Variants in CRYBB2 observed in about 807,000 individuals in gnomAD.
The protein encoded by CRYBB2 is beta-crystallin B2.
Under a neutral mutation model 24.3 loss-of-function variants are expected in CRYBB2, and 12 were observed. The ratio of observed to expected loss-of-function variants is 0.49; its 90% confidence interval spans 0.32 to 0.80. The LOEUF (loss-of-function observed/expected upper bound fraction) is 0.80, where lower values mean the gene tolerates loss of function less well. CRYBB2 is among the 30% of genes least tolerant of loss of function. The probability of loss-of-function intolerance (pLI) is 0.04; values close to 1 mark genes in which losing one functional copy is unlikely to be tolerated. For synonymous variants in CRYBB2, 98 were observed against 101.6 expected (o/e 0.96, Z 0.21); for missense variants, 198 against 268.5 (o/e 0.74, Z 1.83).
At chr22:25,214,804 A>G (rs1334313730), upstream of CRYBB2, among the ~76,000 whole-genome samples, 1 of 152,198 alleles carries the variant, frequency 6.6e-6, no homozygotes, top group Non-Finnish European at 1.5e-5. Context: ...TTTGGAGTCT[A>G]CAAATCCTGA....
At chr22:25,218,703 A>G (rs1299107613), upstream of CRYBB2, among the ~76,000 whole-genome samples, 5 of 43,488 alleles carry the variant, frequency 1.1e-4, no homozygotes, top group South Asian at 1.4e-3. Context: ...AGAGAGAGAG[A>G]GGGGGAGAGA....
intron 5 of CRYBB2, among the ~76,000 whole-genome samples, chr22:25,230,044 C>T (rs1422211109): frequency 2.0e-5 from 3 of 152,024 alleles, no homozygotes; most frequent in Non-Finnish European, 4.4e-5. Context: ...TCGACCCTGG[C>T]CATCAGCAGT....
upstream of CRYBB2, among the ~76,000 whole-genome samples, chr22:25,218,765 GAGAGAGAGAGAGAGAAGAAAGAAAGA>G (rs1935244065): frequency 9.0e-5 from 3 of 33,274 alleles, no homozygotes; most frequent in East Asian, 3.3e-3. Flanking sequence ...GAGAGAGAGA[GAGAGAGAGAGAGAGAAGAAAGAAAGA>G]AAGAAAGAAA....
chr22:25,221,622 C>T (rs2146087466), intron 2 of CRYBB2, 139 bp downstream of exon 2: 1 of 674,300 alleles, frequency 1.5e-6, no homozygotes, highest in East Asian at 2.8e-5. Context: ...GTCTCCTCTA[C>T]CCACACAGTT....
At position 25,224,365 on chromosome 22, in the gene CRYBB2, C is replaced by G. The variant is rs571990744; in HGVS notation, c.55-553C>G. 1.1e-4 allele frequency among the ~76,000 whole-genome samples: 17 copies of G among 152,226 alleles called. No homozygotes were observed. In the East Asian group the frequency reaches 2.7e-3, roughly 24 times the overall value. On this transcript the variant is annotated intron_variant, in intron 2 of 5. Coordinates refer to ENST00000398215, the MANE Select transcript of CRYBB2 (RefSeq NM_000496.3). ...ACAAGCCTGGGCTCCAGTTTCAGCT[C>G]TGCCACTTACTGGAATCTGTACCAT...
chr22:25,221,626 C>A, intron 2 of CRYBB2, 143 bp downstream of exon 2: 1 of 666,878 alleles, frequency 1.5e-6, no homozygotes, highest in Non-Finnish European at 2.7e-6. Flanking sequence ...CCTCTACCCA[C>A]ACAGTTGGAG....
chr22:25,221,795 GT>G (rs1414832898), intron 2 of CRYBB2, among the ~76,000 whole-genome samples: 7 of 152,178 alleles, frequency 4.6e-5, no homozygotes, highest in Non-Finnish European at 1.0e-4. Flanking sequence ...CTCATTCTCA[GT>G]CAGAGATGGG....
chr22:25,221,649 G>A, intron 2 of CRYBB2, among the ~76,000 whole-genome samples, 166 bp downstream of exon 2: 1 of 152,208 alleles, frequency 6.6e-6, no homozygotes, highest in East Asian at 1.9e-4. Context: ...GATACTGAAA[G>A]TCCCTCCCCA....
chr22:25,222,408 G>A (rs1935336835), intron 2 of CRYBB2, among the ~76,000 whole-genome samples: 3 of 152,256 alleles, frequency 2.0e-5, no homozygotes, highest in Admixed American at 2.0e-4. Flanking sequence ...TAGCTCAGGT[G>A]GTCCAGGAGG....
upstream of CRYBB2, among the ~76,000 whole-genome samples, chr22:25,218,749 G>A (rs1226095617): frequency 1.4e-4 from 4 of 28,434 alleles, no homozygotes; most frequent in Admixed American, 3.1e-4. Context: ...GAGAGAGAGA[G>A]AGAGAGAGAG....
At chr22:25,221,821 G>A (rs560657711) in intron 2 of CRYBB2, among the ~76,000 whole-genome samples, 2 of 152,330 alleles carry the variant, frequency 1.3e-5, no homozygotes, top group South Asian at 4.1e-4. Context: ...GTAGATGGAA[G>A]GTGGGTGTGA....
rs571682019 is a variant in CRYBB2 at position 25,223,368 on chromosome 22, T to C, written c.55-1550T>C. Among the ~76,000 whole-genome samples the C allele has an allele frequency of 4.6e-5, 7 of 152,298 alleles. No individual in the cohort carries two copies. In the South Asian group the frequency reaches 1.2e-3, roughly 27 times the overall value. On this transcript the variant is annotated intron_variant, in intron 2 of 5. Transcript: ENST00000398215. ...TGTCTCCCACAAGCAGCGCAAATACTATGTGCTAACCACCCACAAGCCCTG... is the reference window on the plus strand; with the variant it reads ...TGTCTCCCACAAGCAGCGCAAATACCATGTGCTAACCACCCACAAGCCCTG...
chr22:25,221,518 TC>T, intron 2 of CRYBB2, 35 bp downstream of exon 2: 1 of 1,531,834 alleles, frequency 6.5e-7, no homozygotes, highest in African/African-American at 1.4e-5. Flanking sequence ...CATGCAATGC[TC>T]CTCCCCCAGA....
At chr22:25,226,311 T>G (rs1935414083) in intron 3 of CRYBB2, among the ~76,000 whole-genome samples, 1 of 152,124 alleles carries the variant, frequency 6.6e-6, no homozygotes, top group Non-Finnish European at 1.5e-5. Flanking sequence ...AAATAGCATT[T>G]TATGTTGGTG....
chr22:25,213,104 T>C (rs1045041534), intron 1 of CRYBB2, among the ~76,000 whole-genome samples: 4 of 152,234 alleles, frequency 2.6e-5, no homozygotes, highest in African/African-American at 9.6e-5. Context: ...CATTTTATTA[T>C]TAATTTATTT....
upstream of CRYBB2, among the ~76,000 whole-genome samples, chr22:25,218,824 A>AAGAAAG (rs1199053324): frequency 1.7e-5 from 2 of 118,410 alleles, no homozygotes; most frequent in East Asian, 2.8e-4. Flanking sequence ...GAAAGAAAGA[A>AAGAAAG]AGAAAGAAAG....
chr22:25,223,843 G>A (rs184805116), intron 2 of CRYBB2, among the ~76,000 whole-genome samples: 2 of 152,124 alleles, frequency 1.3e-5, no homozygotes, highest in African/African-American at 4.8e-5. Flanking sequence ...ACTGGAGGCC[G>A]GGCGCGGTGG....
In CRYBB2 at chr22:25,231,719, C is replaced by T. The variant is rs756215806; in HGVS notation, c.565C>T (p.Arg189Cys). Residue 189 changes from arginine (R) to cysteine (C), a missense_variant, in exon 6 of 6, where the codon CGT becomes TGT. Physicochemically the swap from Arg to Cys is radical, Grantham distance 180. Coordinates refer to ENST00000398215, the MANE Select transcript of CRYBB2 (RefSeq NM_000496.3). Reference protein sequence around the residue: ...APHPQVQSVRRIRDMQWHQRG... With the variant: ...APHPQVQSVRCIRDMQWHQRG... ...TCACCCCCAGGTGCAGTCCGTGCGCCGTATCCGCGACATGCAGTGGCACCA... is the reference window on the plus strand; with the variant it reads ...TCACCCCCAGGTGCAGTCCGTGCGCTGTATCCGCGACATGCAGTGGCACCA... 20 of 1,614,004 alleles carry T rather than the reference C, an allele frequency of 1.2e-5. No homozygotes were observed. The highest frequency in any genetic ancestry group is 5.3e-5 in the African/African-American group (4 of 74,902).
chr22:25,218,221 T>G (rs1028872916), upstream of CRYBB2, among the ~76,000 whole-genome samples: 12 of 149,360 alleles, frequency 8.0e-5, no homozygotes, highest in Non-Finnish European at 1.3e-4. Context: ...ATCGTGCCAC[T>G]GCACTCCAGC....
Sources: gnomAD v4.1 joint callset for allele counts (sites outside exome capture counted in the v4.1 genomes callset) on GRCh38, gnomAD v4.1.1 for gene constraint, MANE v1.5 for transcripts, NCBI Gene and HGNC (gene_info 2026-07-23, HGNC 2026-07-21) for gene names.